The following CADM2 variants were observed in gnomAD, a reference collection of about 807,000 sequenced individuals.
CADM2 encodes immunoglobulin superfamily member 4D.
Under a neutral mutation model 49.8 loss-of-function variants are expected in CADM2, and 12 were observed. The observed-to-expected ratio is 0.24, with a 90% CI of 0.15 to 0.39. The LOEUF (loss-of-function observed/expected upper bound fraction) is 0.39. Among genes scored for constraint, CADM2 ranks in the 10% least tolerant of loss-of-function variants. The probability of loss-of-function intolerance (pLI) is 1.00; values close to 1 mark genes in which losing one functional copy is unlikely to be tolerated. For missense variants in CADM2, 378 were observed against 492.3 expected, an observed-to-expected ratio of 0.77 and a Z score of 2.20; for synonymous variants, 214 against 175.4, an observed-to-expected ratio of 1.22 and a Z score of -1.74.
intron 1 of CADM2, among the ~76,000 whole-genome samples, chr3:85,542,925 C>T (rs949241146): frequency 6.6e-6 from 1 of 152,204 alleles, no homozygotes. Context: ...CATTGTGCAG[C>T]TAACTCATGC....
chr3:85,180,015 G>A (rs2040886296), intron 1 of CADM2, among the ~76,000 whole-genome samples: 1 of 151,932 alleles, frequency 6.6e-6, no homozygotes, highest in African/African-American at 2.4e-5. Flanking sequence ...TATAGGCCTG[G>A]AAATATAGAC....
chr3:85,084,372 T>C (rs2037292654), intron 1 of CADM2, among the ~76,000 whole-genome samples: 1 of 152,174 alleles, frequency 6.6e-6, no homozygotes, highest in African/African-American at 2.4e-5. Context: ...CTTCGAAACA[T>C]ATGAATGCCA....
rs980354072 is a variant in CADM2, at chr3:86,010,461, A to T, written c.970+48814A>T. Among the ~76,000 whole-genome samples the T allele has an allele frequency of 1.1e-4, 17 of 151,702 alleles. 1 individual carries two copies. Among genetic ancestry groups the T allele is most frequent in the African/African-American group, 3.8e-4 (16 of 41,574 alleles). On this transcript the variant is annotated intron_variant, in intron 8 of 9. Coordinates refer to ENST00000383699, the MANE Select transcript of CADM2 (RefSeq NM_001167675.2). The stretch of plus-strand genomic sequence containing the variant: ...TAATCCTATAATGATAATAGAAGAA[A>T]AAATTTTAATGGCAATATAATGAAT...
At position 85,034,790 on chromosome 3, in the gene CADM2, C is replaced by CTTTTTTTTTTTTT. The variant is rs1179967499; in HGVS notation, c.61+75134_61+75146dup. 8.3e-4 allele frequency among the ~76,000 whole-genome samples: 70 copies of CTTTTTTTTTTTTT among 84,058 alleles called. 2 individuals carry two copies. The highest frequency in any genetic ancestry group is 7.8e-4 in the Non-Finnish European group (36 of 46,346). 55.1% of individuals were successfully genotyped at this position (84,058 alleles called of 152,430 possible). A position where few individuals can be genotyped will look rare whatever the true frequency, so the allele number is the denominator to read the frequency against. ...TATCTTTTAGATAAAAGACATTTTG[C>CTTTTTTTTTTTTT]TTTTTTTTTTTTTTTTTTTTTTTTA... is the stretch of plus-strand genomic sequence containing the variant. On this transcript the variant is annotated intron_variant, in intron 1 of 9. Transcript: ENST00000383699.
intron 1 of CADM2, among the ~76,000 whole-genome samples, chr3:85,480,273 A>G (rs1415056597): frequency 6.6e-6 from 1 of 151,946 alleles, no homozygotes; most frequent in African/African-American, 2.4e-5. Flanking sequence ...CATAAGCTCC[A>G]TAAGTTGTTT....
chr3:85,970,473 T>C (rs1725985826), intron 8 of CADM2, among the ~76,000 whole-genome samples: 3 of 151,582 alleles, frequency 2.0e-5, no homozygotes, highest in Admixed American at 1.3e-4. Context: ...AGTGGACCTA[T>C]TCATTAATAT....
At chr3:85,225,005 C>T (rs2042124848) in intron 1 of CADM2, among the ~76,000 whole-genome samples, 1 of 152,076 alleles carries the variant, frequency 6.6e-6, no homozygotes, top group Non-Finnish European at 1.5e-5. Flanking sequence ...TTACTGTAAA[C>T]TTATAGTATA....
chr3:85,537,738 G>C (rs1025433771), intron 1 of CADM2, among the ~76,000 whole-genome samples: 4 of 129,796 alleles, frequency 3.1e-5, no homozygotes, highest in Non-Finnish European at 7.0e-5. Flanking sequence ...CCCTTCTGAG[G>C]ACAATGGGAT....
chr3:85,572,248 C>G (rs2062501171), intron 1 of CADM2, among the ~76,000 whole-genome samples: 1 of 152,052 alleles, frequency 6.6e-6, no homozygotes, highest in Admixed American at 6.5e-5. Flanking sequence ...AATTGTGCCA[C>G]TGCTTTCCAG....
chr3:85,769,489 A>ACG (rs527715808), intron 2 of CADM2, among the ~76,000 whole-genome samples: 2 of 55,378 alleles, frequency 3.6e-5, no homozygotes, highest in African/African-American at 1.1e-4. Flanking sequence ...ACGTATATAC[A>ACG]TATATACATA....
chr3:85,483,484 CT>C (rs1343347068), intron 1 of CADM2, among the ~76,000 whole-genome samples: 1 of 150,730 alleles, frequency 6.6e-6, no homozygotes, highest in Non-Finnish European at 1.5e-5. Flanking sequence ...GTTTATTGAA[CT>C]TTGAGAATTG....
At chr3:85,187,364 A>T (rs1413324198) in intron 1 of CADM2, among the ~76,000 whole-genome samples, 3 of 152,114 alleles carry the variant, frequency 2.0e-5, no homozygotes, top group African/African-American at 7.2e-5. Context: ...AATATTAATG[A>T]TTTTTTCCAA....
intron 3 of CADM2, among the ~76,000 whole-genome samples, chr3:85,810,015 G>A (rs1432678949): frequency 6.6e-6 from 1 of 151,688 alleles, no homozygotes; most frequent in Non-Finnish European, 1.5e-5. Context: ...AGAATAAATG[G>A]GCCAATAATA....
At chr3:85,569,832 G>A (rs1576830916) in intron 1 of CADM2, among the ~76,000 whole-genome samples, 1 of 152,236 alleles carries the variant, frequency 6.6e-6, no homozygotes, top group South Asian at 2.1e-4. Context: ...AGAAATGAGG[G>A]TTGGAAGGAA....
At position 85,657,367 on chromosome 3, in the gene CADM2, AT is replaced by A. The variant is rs1243772917; in HGVS notation, c.62-69154del. Among the ~76,000 whole-genome samples the A allele has an allele frequency of 2.0e-5, 3 of 152,226 alleles. No individual in the cohort carries two copies. In the East Asian group the frequency reaches 5.8e-4, roughly 29 times the overall value. On this transcript the variant is annotated intron_variant, in intron 1 of 9. Coordinates refer to ENST00000383699, the MANE Select transcript of CADM2 (RefSeq NM_001167675.2). The stretch of plus-strand genomic sequence containing the variant: ...AATTAAGTAATACATTTAAGAGGCC[AT>A]GGCATATTCTTATTAAAGGGTTCTC...
At chr3:85,086,281 T>G (rs1013716444) in intron 1 of CADM2, among the ~76,000 whole-genome samples, 1 of 151,934 alleles carries the variant, frequency 6.6e-6, no homozygotes, top group African/African-American at 2.4e-5. Flanking sequence ...TAGGGAAAAT[T>G]TACTCTATAT....
chr3:85,535,770 C>CA (rs1458854845), intron 1 of CADM2, among the ~76,000 whole-genome samples: 2 of 152,054 alleles, frequency 1.3e-5, no homozygotes, highest in African/African-American at 4.8e-5. Context: ...AAATGTACAG[C>CA]ATGACACTGC....
At chr3:85,153,143 C>G (rs993703988) in intron 1 of CADM2, among the ~76,000 whole-genome samples, 4 of 152,104 alleles carry the variant, frequency 2.6e-5, no homozygotes, top group Non-Finnish European at 5.9e-5. Flanking sequence ...ACGCAGAAGA[C>G]GGGTGATTTC....
At chr3:85,391,408 G>A (rs2034511608) in intron 1 of CADM2, among the ~76,000 whole-genome samples, 1 of 151,950 alleles carries the variant, frequency 6.6e-6, no homozygotes, top group African/African-American at 2.4e-5. Context: ...ATGTTTAAGG[G>A]TAAATAGAGA....
Sources: allele counts gnomAD v4.1 joint callset (sites outside exome capture counted in the v4.1 genomes callset), GRCh38; gene constraint gnomAD v4.1.1; transcripts MANE v1.5; gene names NCBI Gene and HGNC (gene_info 2026-07-23, HGNC 2026-07-21).